UGT2A1: variants seen among roughly 807,000 people sequenced by gnomAD.
The protein encoded by UGT2A1 is UDP-glucuronosyltransferase 2A1.
Under a neutral mutation model 45.4 loss-of-function variants are expected in UGT2A1, and 61 were observed. That is an observed-to-expected ratio of 1.34 (90% CI 1.09 to 1.66). The LOEUF is 1.66. Among genes scored for constraint, UGT2A1 ranks in the 40% most tolerant of loss-of-function variants. The pLI is 0.00. For missense variants in UGT2A1, 649 were observed against 574.3 expected (o/e 1.13, Z -1.33); for synonymous variants, 229 against 196.2 (o/e 1.17, Z -1.40).
At chr4:69,637,509 A>C (rs1267651176) in intron 2 of UGT2A1, among the ~76,000 whole-genome samples, 1 of 151,986 alleles carries the variant, frequency 6.6e-6, no homozygotes, top group Non-Finnish European at 1.5e-5. Flanking sequence ...GTTCTTACCT[A>C]CTCCTAAAAG....
rs148852671 is a variant in UGT2A1 at position 69,599,082 on chromosome 4, A to T, written c.996+164T>A. Among the ~76,000 whole-genome samples the T allele has an allele frequency of 9.6e-3, 1,469 of 152,288 alleles. 8 individuals are homozygous for T. Among genetic ancestry groups the T allele is most frequent in the Non-Finnish European group, 0.015 (1,042 of 68,018 alleles). The stretch of plus-strand genomic sequence containing the variant: ...AAATTGTCAATGTAAAGTTCAAAAC[A>T]CCTAATATCACTTGTAGGAGACCTC... On this transcript the variant is annotated intron_variant, in intron 4 of 6. Coordinates refer to ENST00000286604, the MANE Select transcript of UGT2A1 (RefSeq NM_001252275.3).
At chr4:69,648,770 A>G (rs116725134) in intron 1 of UGT2A1, among the ~76,000 whole-genome samples, 2,198 of 152,100 alleles carry the variant, frequency 0.014, 61 homozygotes, top group African/African-American at 0.051. Context: ...TCACCACTAC[A>G]CAATGTACCC....
chr4:69,594,819 G>A (rs1718821826), intron 5 of UGT2A1, 123 bp from the exon 6 acceptor site: 8 of 1,223,554 alleles, frequency 6.5e-6, no homozygotes, highest in Non-Finnish European at 9.0e-6. Flanking sequence ...TTCTACAAAA[G>A]CAGATCACAT....
At chr4:69,609,764 GA>G (rs993660060) in intron 3 of UGT2A1, among the ~76,000 whole-genome samples, 3 of 152,018 alleles carry the variant, frequency 2.0e-5, no homozygotes, top group Admixed American at 1.3e-4. Flanking sequence ...TGTTCTTCTG[GA>G]ACAGGAGACA....
At chr4:69,601,978 T>C (rs1719323123) in intron 3 of UGT2A1, among the ~76,000 whole-genome samples, 1 of 136,954 alleles carries the variant, frequency 7.3e-6, no homozygotes, top group Admixed American at 7.2e-5. Context: ...GAATAATTAA[T>C]ATAATCAAGA....
chr4:69,636,577 C>A (rs116658374), intron 2 of UGT2A1, among the ~76,000 whole-genome samples: 2,497 of 152,062 alleles, frequency 0.016, 75 homozygotes, highest in African/African-American at 0.058. Context: ...TTTTACAAAG[C>A]CTTTTTCACA....
chr4:69,614,835 T>C (rs761670862), intron 3 of UGT2A1, among the ~76,000 whole-genome samples: 2 of 151,972 alleles, frequency 1.3e-5, no homozygotes, highest in African/African-American at 2.4e-5. Flanking sequence ...ACACTGTAGT[T>C]TATAAAGAAA....
chr4:69,612,715 T>C lies in UGT2A1; in HGVS notation c.848-13321A>G, dbSNP rs139333970. ...AACCGGATTGTCACAATTTACCCTA[T>C]AAAAACATTAATGGAATGTGGATCA... On this transcript the variant is annotated intron_variant, in intron 3 of 6. Coordinates refer to ENST00000286604, the MANE Select transcript of UGT2A1 (RefSeq NM_001252275.3). Among the ~76,000 whole-genome samples, 780 of 152,010 alleles carry C rather than the reference T, an allele frequency of 5.1e-3. 9 individuals are homozygous for C. The highest frequency in any genetic ancestry group is 0.017 in the African/African-American group (713 of 41,510).
At position 69,594,699 on chromosome 4, in the gene UGT2A1, A is replaced by C. The variant is rs768966319; in HGVS notation, c.1085-3T>G. On this transcript the variant is annotated splice_polypyrimidine_tract_variant and splice_region_variant and intron_variant, in intron 5 of 6. Coordinates refer to ENST00000286604, the MANE Select transcript of UGT2A1 (RefSeq NM_001252275.3). Reference sequence around the variant, plus strand: ...AAAAGCTTTGGTTTTGGGATGTCCTAATTTGAGGATGGAGTGAGAAGTGGG... The same window carrying C: ...AAAAGCTTTGGTTTTGGGATGTCCTCATTTGAGGATGGAGTGAGAAGTGGG... 112 of 1,612,266 alleles carry C rather than the reference A, an allele frequency of 6.9e-5. No homozygotes were observed. The highest frequency in any genetic ancestry group is 9.5e-5 in the Non-Finnish European group (112 of 1,178,974).
rs1209144481 is a variant in UGT2A1 at position 69,642,870 on chromosome 4, T to A, written c.715+4060A>T. ...AAGTGCTGTTGGTAACAATATGTAA[T>A]GCTTATGGATTATAAGTATTTTTAA... On this transcript the variant is annotated intron_variant, in intron 2 of 6. Transcript: ENST00000286604. 2.0e-5 allele frequency among the ~76,000 whole-genome samples: 3 copies of A among 151,602 alleles called. No homozygotes were observed. In the East Asian group the frequency reaches 5.8e-4, roughly 29 times the overall value.
rs574349349 is a variant in UGT2A1, at chr4:69,611,028, T to C, written c.848-11634A>G. Among the ~76,000 whole-genome samples, 6 of 152,286 alleles carry C rather than the reference T, an allele frequency of 3.9e-5. No homozygotes were observed. The South Asian group carries it at 6.2e-4, about 16-fold the overall frequency. On this transcript the variant is annotated intron_variant, in intron 3 of 6. Transcript: ENST00000286604. ...TTCATGGATTTAGATGAAAGCTGTG[T>C]ACATAAAAATTAGAAAGCAAAACCA... is the stretch of plus-strand genomic sequence containing the variant.
In UGT2A1 at chr4:69,589,066, T is replaced by G. The variant is rs901440016; in HGVS notation, c.*306A>C. On this transcript the variant is annotated 3_prime_UTR_variant, in exon 7 of 7. Coordinates refer to ENST00000286604, the MANE Select transcript of UGT2A1 (RefSeq NM_001252275.3). ...TAATTAAGGTTAACGATAAAATAAT[T>G]TGATACTATGAATAGAACATATTTA... The G allele has an allele frequency of 4.9e-6, 1 of 206,086 alleles. No homozygotes were observed. The highest frequency in any genetic ancestry group is 2.3e-5 in the African/African-American group (1 of 42,978). The allele number at this position is 206,086 out of a possible 1,614,324, so 12.8% of individuals were successfully genotyped here.
chr4:69,633,879 G>A (rs538229923), intron 3 of UGT2A1, among the ~76,000 whole-genome samples: 2 of 152,190 alleles, frequency 1.3e-5, no homozygotes, highest in South Asian at 4.2e-4. Context: ...GGTTGCAAGG[G>A]TGGGGTTACT....
intron 1 of UGT2A1, among the ~76,000 whole-genome samples, chr4:69,650,602 A>G (rs1722474320): frequency 6.6e-6 from 1 of 152,086 alleles, no homozygotes; most frequent in Non-Finnish European, 1.5e-5. Context: ...TATACAAAAA[A>G]TACCATAAAT....
At chr4:69,613,724 C>A (rs1720204052) in intron 3 of UGT2A1, among the ~76,000 whole-genome samples, 2 of 151,906 alleles carry the variant, frequency 1.3e-5, no homozygotes, top group Admixed American at 6.6e-5. Flanking sequence ...GGACAAAATC[C>A]ATATGATTAT....
chr4:69,652,738 C>T (rs1022917306), intron 1 of UGT2A1, among the ~76,000 whole-genome samples: 5 of 152,196 alleles, frequency 3.3e-5, no homozygotes, highest in African/African-American at 1.2e-4. Context: ...TGACATCTCA[C>T]ATCCTCTCAT....
At chr4:69,634,148 G>A (rs1721544086) in intron 3 of UGT2A1, among the ~76,000 whole-genome samples, 1 of 152,114 alleles carries the variant, frequency 6.6e-6, no homozygotes, top group Non-Finnish European at 1.5e-5. Context: ...CGGAGGCTGA[G>A]GCAGGAGAAT....
chr4:69,607,161 T>G (rs1348441294), intron 3 of UGT2A1, among the ~76,000 whole-genome samples: 3 of 141,534 alleles, frequency 2.1e-5, no homozygotes, highest in Non-Finnish European at 4.7e-5. Context: ...CTACCTGACT[T>G]CAAACTATAC....
Position 69,589,514 on chromosome 4 carries a change from A to C in UGT2A1, c.1442T>G (p.Leu481Arg). 1 of 1,614,150 alleles carries C rather than the reference A, an allele frequency of 6.2e-7. No individual in the cohort carries two copies. Among genetic ancestry groups the C allele is most frequent in the East Asian group, 2.2e-5 (1 of 44,884 alleles). ...CAAAGAGTGGTACTGGAACCAGGTG[A>C]GGTCATGGGCTGCAACCCGAAGGTG... is the stretch of plus-strand genomic sequence containing the variant. ...AKHLRVAAHDLTWFQYHSLDV... is the reference protein window; with the variant it reads ...AKHLRVAAHDRTWFQYHSLDV... The change falls in exon 7 of 7, where the codon CTC becomes CGC. Residue 481 changes from leucine (L) to arginine (R), a missense_variant. By Grantham distance (102) the Leu-to-Arg change is moderately radical. Transcript: ENST00000286604.
Sources: gnomAD v4.1 joint callset for allele counts (sites outside exome capture counted in the v4.1 genomes callset) on GRCh38, gnomAD v4.1.1 for gene constraint, MANE v1.5 for transcripts, NCBI Gene and HGNC (gene_info 2026-07-23, HGNC 2026-07-21) for gene names.